TMEM132B: variants seen among roughly 807,000 people sequenced by gnomAD.
TMEM132B encodes the protein transmembrane protein 132B.
A neutral mutation model predicts 90.8 loss-of-function variants in TMEM132B; 18 were observed. The observed-to-expected ratio is 0.20, with a 90% CI of 0.14 to 0.29. TMEM132B has a LOEUF of 0.29. Among genes scored for constraint, TMEM132B ranks in the 10% least tolerant of loss-of-function variants. The pLI is 1.00. For missense variants in TMEM132B, 1,096 were observed against 1,326.8 expected, an observed-to-expected ratio of 0.83 and a Z score of 2.70; for synonymous variants, 504 against 523.3, an observed-to-expected ratio of 0.96 and a Z score of 0.50.
chr12:125,310,297 G>T (rs1359046196), intron 1 of TMEM132B, among the ~76,000 whole-genome samples: 1 of 152,218 alleles, frequency 6.6e-6, no homozygotes, highest in Non-Finnish European at 1.5e-5. Flanking sequence ...AGATCTCCTG[G>T]TGGGCAGTGG....
At chr12:125,613,343 T>C (rs995282558) in intron 5 of TMEM132B, among the ~76,000 whole-genome samples, 4 of 149,560 alleles carry the variant, frequency 2.7e-5, no homozygotes. Flanking sequence ...GAATTTATCT[T>C]TGAATTCAAA....
rs1342162161 is a variant in TMEM132B, at chr12:125,655,665, C to T, written c.*955C>T. The T allele has an allele frequency of 1.3e-5, 2 of 152,214 alleles. No individual in the cohort carries two copies. The highest frequency in any genetic ancestry group is 2.9e-5 in the Non-Finnish European group (2 of 68,044). The allele number at this position is 152,214 out of a possible 1,614,324, so 9.4% of individuals were successfully genotyped here. A position where few individuals can be genotyped will look rare whatever the true frequency, so the allele number is the denominator to read the frequency against. ...AGGCCCCAACATAGCTGTATTTATA[C>T]AAGTGCTTTGTGGCCAACACAATTT... On this transcript the variant is annotated 3_prime_UTR_variant, in exon 9 of 9. Coordinates refer to ENST00000682704, the MANE Select transcript of TMEM132B (RefSeq NM_001366854.1).
intron 2 of TMEM132B, among the ~76,000 whole-genome samples, chr12:125,392,178 T>C (rs1292169589): frequency 6.6e-6 from 1 of 152,196 alleles, no homozygotes; most frequent in African/African-American, 2.4e-5. Flanking sequence ...GACTGAGAAA[T>C]ATACCTACTA....
chr12:125,311,626 A>G (rs913132253), intron 1 of TMEM132B, among the ~76,000 whole-genome samples: 1 of 152,172 alleles, frequency 6.6e-6, no homozygotes, highest in African/African-American at 2.4e-5. Flanking sequence ...TGCTTCTCTC[A>G]TGCTTATCTC....
At position 125,653,740 on chromosome 12, in the gene TMEM132B, G is replaced by A. The variant is rs867174287; in HGVS notation, c.2282G>A (p.Gly761Glu). The change falls in exon 9 of 9, where the codon GGG (glycine) becomes GAG (glutamate). Residue 761 changes from glycine (G) to glutamate (E), a missense_variant. By Grantham distance (98) the Gly-to-Glu change is moderately conservative. Coordinates refer to ENST00000682704, the MANE Select transcript of TMEM132B (RefSeq NM_001366854.1). ...PIVVAEGEGQ[G>E]PLIKLEMMIS... ...GTGGTTGCAGAGGGTGAAGGACAAG[G>A]GCCTTTGATTAAGTTAGAAATGATG... 1.2e-6 allele frequency: 2 copies of A among 1,613,972 alleles called. No individual in the cohort carries two copies. Among genetic ancestry groups the A allele is most frequent in the African/African-American group, 1.3e-5 (1 of 74,858 alleles).
chr12:125,428,915 A>G (rs1251343654), intron 3 of TMEM132B, among the ~76,000 whole-genome samples: 1 of 152,186 alleles, frequency 6.6e-6, no homozygotes, highest in Non-Finnish European at 1.5e-5. Flanking sequence ...GTGTTTGCAG[A>G]AGGGGTGTGC....
At chr12:125,341,246 A>G (rs1022955703) in intron 1 of TMEM132B, among the ~76,000 whole-genome samples, 1 of 152,250 alleles carries the variant, frequency 6.6e-6, no homozygotes, top group African/African-American at 2.4e-5. Flanking sequence ...GGCAAGTCAC[A>G]TAACTGCTCT....
chr12:125,329,977 G>GA (rs1168978694), intron 1 of TMEM132B, among the ~76,000 whole-genome samples: 1 of 152,232 alleles, frequency 6.6e-6, no homozygotes, highest in Admixed American at 6.5e-5. Context: ...AAGGGAAGGG[G>GA]AGAGAGGGTT....
chr12:125,231,764 A>G (rs906351314), intron 1 of TMEM132B, among the ~76,000 whole-genome samples: 1 of 133,160 alleles, frequency 7.5e-6, no homozygotes, highest in African/African-American at 2.9e-5. Context: ...TCTTTAAATT[A>G]AAAAAAAAAC....
In TMEM132B at chr12:125,469,121, A is replaced by T. The variant is rs192519612; in HGVS notation, c.1107-50318A>T. ...TTGGACTCCCAGTACTTTGTTGAAT[A>T]GAAGTGGTGAGAATGGGCATCTTTA... is the stretch of plus-strand genomic sequence containing the variant. On this transcript the variant is annotated intron_variant, in intron 3 of 8. Transcript: ENST00000682704. Among the ~76,000 whole-genome samples the T allele has an allele frequency of 1.2e-3, 184 of 152,322 alleles. 1 individual carries two copies. The highest frequency in any genetic ancestry group is 4.2e-3 in the African/African-American group (175 of 41,580).
chr12:125,309,790 C>G (rs1389510169), intron 1 of TMEM132B, among the ~76,000 whole-genome samples: 1 of 152,208 alleles, frequency 6.6e-6, no homozygotes. Flanking sequence ...ACCCCAAGAC[C>G]TGGTGACTTA....
chr12:125,349,416 C>A lies in TMEM132B; in HGVS notation c.68-36C>A. 6.4e-7 allele frequency: 1 copy of A among 1,562,132 alleles called. No individual in the cohort carries two copies. The highest frequency in any genetic ancestry group is 8.7e-7 in the Non-Finnish European group (1 of 1,155,282). On this transcript the variant is annotated intron_variant, in intron 1 of 8. Coordinates refer to ENST00000682704, the MANE Select transcript of TMEM132B (RefSeq NM_001366854.1). The surrounding 1 kb of genome is among the most constrained non-coding windows in gnomAD (Gnocchi z 4.1). ...GCATTTATTTCATTACATCTCAGAA[C>A]ACGGTTTTATTCTTTTGCTTTCCTT... is the stretch of plus-strand genomic sequence containing the variant.
intron 4 of TMEM132B, among the ~76,000 whole-genome samples, chr12:125,524,783 G>C (rs2136674828): frequency 6.6e-6 from 1 of 152,310 alleles, no homozygotes; most frequent in South Asian, 2.1e-4. Context: ...TTGGAGAAAA[G>C]GAGGAGGAAA....
At position 125,271,416 on chromosome 12, in the gene TMEM132B, T is replaced by C. The variant is rs191872803; in HGVS notation, c.68-78036T>C. ...CGCAATTGTTTGACAGTGTCTGCCA[T>C]GGGTATGGTGGTGGAGAGGTGGAAG... On this transcript the variant is annotated intron_variant, in intron 1 of 8. Transcript: ENST00000682704. Among the ~76,000 whole-genome samples, 7 of 152,334 alleles carry C rather than the reference T, an allele frequency of 4.6e-5. No homozygotes were observed. The East Asian group carries it at 1.3e-3, about 29-fold the overall frequency.
In TMEM132B at chr12:125,432,801, CTG is replaced by C. The variant is rs1290200823; in HGVS notation, c.1106+17126_1106+17127del. 3.3e-5 allele frequency among the ~76,000 whole-genome samples: 5 copies of C among 152,144 alleles called. No individual in the cohort carries two copies. The East Asian group carries it at 9.7e-4, about 29-fold the overall frequency. On this transcript the variant is annotated intron_variant, in intron 3 of 8. Coordinates refer to ENST00000682704, the MANE Select transcript of TMEM132B (RefSeq NM_001366854.1). Reference sequence around the variant, plus strand: ...CCTTGGTGGAATCGGCATCTGGTATCTGTTGGTGTGATGCTTGGTGCACACAT... The same window carrying C: ...CCTTGGTGGAATCGGCATCTGGTATCTTGGTGTGATGCTTGGTGCACACAT...
chr12:125,474,750 G>A (rs1256817945), intron 3 of TMEM132B, among the ~76,000 whole-genome samples: 1 of 152,212 alleles, frequency 6.6e-6, no homozygotes, highest in African/African-American at 2.4e-5. Flanking sequence ...GGCACAGCTG[G>A]ATCCAGGGGG....
At chr12:125,515,607 AAC>A (rs1202951981) in intron 3 of TMEM132B, among the ~76,000 whole-genome samples, 3 of 150,244 alleles carry the variant, frequency 2.0e-5, no homozygotes, top group African/African-American at 7.3e-5. Flanking sequence ...ACACTCATAC[AAC>A]ACATATTCAC....
Position 125,658,415 on chromosome 12 carries a change from C to A in TMEM132B, c.*3705C>A, listed in dbSNP as rs1467730319. 1.3e-5 allele frequency: 2 copies of A among 152,192 alleles called. No homozygotes were observed. The highest frequency in any genetic ancestry group is 2.4e-5 in the African/African-American group (1 of 41,452). The allele number at this position is 152,192 out of a possible 1,614,324, so 9.4% of individuals were successfully genotyped here. A position where few individuals can be genotyped will look rare whatever the true frequency, so the allele number is the denominator to read the frequency against. On this transcript the variant is annotated 3_prime_UTR_variant, in exon 9 of 9. Transcript: ENST00000682704. ...GAACTGTTCAGTCTCACAGCAAGGACCACAGAGCGTGGTTTCATCTGAACC... is the reference window on the plus strand; with the variant it reads ...GAACTGTTCAGTCTCACAGCAAGGAACACAGAGCGTGGTTTCATCTGAACC...
chr12:125,564,466 G>T (rs1310392817), intron 4 of TMEM132B, among the ~76,000 whole-genome samples: 1 of 152,154 alleles, frequency 6.6e-6, no homozygotes, highest in East Asian at 1.9e-4. Flanking sequence ...GTGGGAAAAG[G>T]GTTGTTTTCT....
Sources: allele counts gnomAD v4.1 joint callset (sites outside exome capture counted in the v4.1 genomes callset), GRCh38; gene constraint gnomAD v4.1.1; non-coding constraint Gnocchi (gnomAD v3.1); transcripts MANE v1.5; gene names NCBI Gene and HGNC (gene_info 2026-07-23, HGNC 2026-07-21).